The following RRM2B variants were observed in gnomAD, a reference collection of about 807,000 sequenced individuals.
RRM2B encodes ribonucleotide reductase regulatory TP53 inducible subunit M2B.
Under a neutral mutation model 45.9 loss-of-function variants are expected in RRM2B, and 20 were observed. The ratio of observed to expected loss-of-function variants is 0.44; its 90% CI spans 0.31 to 0.63. The LOEUF is 0.63. Among genes scored for constraint, RRM2B ranks in the 30% least tolerant of loss-of-function variants. RRM2B has a pLI of 0.09. For synonymous variants in RRM2B, 124 were observed against 132.3 expected, an observed-to-expected ratio of 0.94 and a Z score of 0.43; for missense variants, 320 against 414.7, an observed-to-expected ratio of 0.77 and a Z score of 1.98.
At chr8:102,212,719 G>C in intron 8 of RRM2B, 57 bp downstream of exon 8, 1 of 868,016 alleles carries the variant, frequency 1.2e-6, no homozygotes, top group Non-Finnish European at 1.9e-6. Context: ...TATACTTTAG[G>C]GTCCTTGCTT....
At position 102,204,975 on chromosome 8, in the gene RRM2B, C is replaced by T. The variant is rs1440643752; in HGVS notation, c.*3158G>A. On this transcript the variant is annotated 3_prime_UTR_variant, in exon 9 of 9. Coordinates refer to ENST00000251810, the MANE Select transcript of RRM2B (RefSeq NM_015713.5). ...TAATGCCTCGGGAATATGAGATTCT[C>T]TTTCAAATCTTTAACTTTTTACAAA... 3 of 152,146 alleles carry T rather than the reference C, an allele frequency of 2.0e-5. No homozygotes were observed. Among genetic ancestry groups the T allele is most frequent in the African/African-American group, 7.2e-5 (3 of 41,450 alleles). 9.4% of individuals were successfully genotyped at this position (152,146 alleles called of 1,614,324 possible). A position where few individuals can be genotyped will look rare whatever the true frequency, so the allele number is the denominator to read the frequency against.
chr8:102,238,311 T>A (rs549097541), intron 1 of RRM2B: 1 of 338,464 alleles, frequency 3.0e-6, no homozygotes, highest in Non-Finnish European at 5.8e-6. Context: ...CCTCCTACCC[T>A]GATTTTTTCA....
At chr8:102,223,879 C>T (rs902756111) in intron 5 of RRM2B, among the ~76,000 whole-genome samples, 167 bp downstream of exon 5, 3 of 152,136 alleles carry the variant, frequency 2.0e-5, no homozygotes, top group African/African-American at 4.8e-5. Context: ...TTTATCACCA[C>T]TTTCTAATTA....
chr8:102,232,161 C>T lies in RRM2B; in HGVS notation c.192G>A (p.Trp64Ter), dbSNP rs1811042064. The change falls in exon 2 of 9, where the codon TGG becomes TGA. Residue 64 changes from tryptophan (W) to a stop codon, truncating the protein, a stop_gained. Coordinates refer to ENST00000251810, the MANE Select transcript of RRM2B (RefSeq NM_015713.5). LOFTEE classifies it high-confidence loss of function. ...CAATGCCACGTACCTCTTCTGCTGT[C>T]CAGAAGGAAGCCTGTGCCTGTTTAT... The part of the protein sequence containing the change: ...KMYKQAQASF[W>*]TAEEVDLSKD... 6.2e-7 allele frequency: 1 copy of T among 1,614,076 alleles called. No individual in the cohort carries two copies. The highest frequency in any genetic ancestry group is 8.5e-7 in the Non-Finnish European group (1 of 1,179,952).
chr8:102,221,203 A>C (rs562717151), intron 5 of RRM2B, among the ~76,000 whole-genome samples: 1 of 152,266 alleles, frequency 6.6e-6, no homozygotes, highest in African/African-American at 2.4e-5. Context: ...GAATCTCCTT[A>C]TAACATAAAC....
chr8:102,219,082 A>C, intron 5 of RRM2B, 135 bp from the exon 6 acceptor site: 1 of 916,636 alleles, frequency 1.1e-6, no homozygotes, highest in East Asian at 2.6e-5. Flanking sequence ...CCATGGCCAA[A>C]GATCTCCATA....
intron 2 of RRM2B, among the ~76,000 whole-genome samples, chr8:102,228,009 G>A (rs1444765273): frequency 6.6e-6 from 1 of 152,130 alleles, no homozygotes; most frequent in African/African-American, 2.4e-5. Flanking sequence ...CCCCAGCGAG[G>A]ACTCCACCCT....
At chr8:102,231,791 C>T in intron 2 of RRM2B, among the ~76,000 whole-genome samples, 1 of 151,272 alleles carries the variant, frequency 6.6e-6, no homozygotes, top group Non-Finnish European at 1.5e-5. Context: ...ATCGCTTGAA[C>T]CCGGGAGGTG....
chr8:102,224,163 A>G (rs1235454695), intron 4 of RRM2B, 23 bp from the exon 5 acceptor site: 1 of 1,428,776 alleles, frequency 7.0e-7, no homozygotes, highest in Admixed American at 1.7e-5. Context: ...AAGAATGAAC[A>G]GCAAAGTTAT....
chr8:102,232,684 TAAGTTTGTGAACA>T (rs1811053735), intron 1 of RRM2B, among the ~76,000 whole-genome samples: 1 of 151,282 alleles, frequency 6.6e-6, no homozygotes, highest in Non-Finnish European at 1.5e-5. Context: ...GGCAAATTTC[TAAGTTTGTGAACA>T]AAATGTCCCT....
At chr8:102,217,053 T>C (rs1221488347) in intron 6 of RRM2B, among the ~76,000 whole-genome samples, 1 of 152,104 alleles carries the variant, frequency 6.6e-6, no homozygotes, top group African/African-American at 2.4e-5. Context: ...AGGTATTCAT[T>C]TTATACTATA....
intron 2 of RRM2B, among the ~76,000 whole-genome samples, chr8:102,226,792 C>T (rs1278333458): frequency 1.3e-5 from 2 of 152,180 alleles, no homozygotes; most frequent in African/African-American, 4.8e-5. Context: ...TGGCTCACTG[C>T]AACCTTCGCC....
chr8:102,224,211 T>A lies in RRM2B; in HGVS notation c.456-71A>T. 2.8e-6 allele frequency: 3 copies of A among 1,053,328 alleles called. No homozygotes were observed. In the South Asian group the frequency reaches 3.8e-5, roughly 13 times the overall value. 65.2% of individuals were successfully genotyped at this position (1,053,328 alleles called of 1,614,324 possible). Reference sequence around the variant, plus strand: ...CTTTTTTTTTTTTTGAGACAGAGTCTCGCTCTGTTGCCCAGGCTGGAGTGC... The same window carrying A: ...CTTTTTTTTTTTTTGAGACAGAGTCACGCTCTGTTGCCCAGGCTGGAGTGC... On this transcript the variant is annotated intron_variant, in intron 4 of 8. Transcript: ENST00000251810.
intron 5 of RRM2B, among the ~76,000 whole-genome samples, chr8:102,220,147 G>A (rs1229820371): frequency 2.0e-5 from 3 of 152,172 alleles, no homozygotes. Context: ...GTTGATGTGG[G>A]AGGAATGCTT....
At position 102,212,843 on chromosome 8, in the gene RRM2B, C is replaced by T; in HGVS notation, c.836G>A (p.Cys279Tyr). The change falls in exon 8 of 9, where the codon TGC becomes TAC. Residue 279 changes from cysteine to tyrosine, a missense_variant. Around this residue, in one of 3 missense-constraint regions of RRM2B, gnomAD observed 47 missense variants for 90.0 expected, o/e 0.52. Transcript: ENST00000251810. Reference protein sequence around the residue: ...ALPVGLIGMNCILMKQYIEFV... With the variant: ...ALPVGLIGMNYILMKQYIEFV... ...CTCAATGTACTGTTTCATCAAAATG[C>T]AATTCATTCCAATGAGGCCAACTGG... 6.2e-7 allele frequency: 1 copy of T among 1,611,560 alleles called. No homozygotes were observed. Among genetic ancestry groups the T allele is most frequent in the Non-Finnish European group, 8.5e-7 (1 of 1,177,966 alleles).
chr8:102,224,145 A>T lies in RRM2B; in HGVS notation c.456-5T>A. 1 of 1,573,836 alleles carries T rather than the reference A, an allele frequency of 6.4e-7. No homozygotes were observed. Among genetic ancestry groups the T allele is most frequent in the Non-Finnish European group, 8.7e-7 (1 of 1,143,522 alleles). On this transcript the variant is annotated splice_region_variant and splice_polypyrimidine_tract_variant and intron_variant, in intron 4 of 8. Coordinates refer to ENST00000251810, the MANE Select transcript of RRM2B (RefSeq NM_015713.5). Reference sequence around the variant, plus strand: ...ATTGCATTAAATAAAAATTCCCTGTAAAAACAAAAGAATGAACAGCAAAGT... The same window carrying T: ...ATTGCATTAAATAAAAATTCCCTGTTAAAACAAAAGAATGAACAGCAAAGT...
In RRM2B at chr8:102,225,970, G is replaced by C. The variant is rs1810924460; in HGVS notation, c.269C>G (p.Ser90Cys). 2.5e-6 allele frequency: 4 copies of C among 1,612,908 alleles called. No homozygotes were observed. The East Asian group carries it at 8.9e-5, about 36-fold the overall frequency. The change falls in exon 3 of 9, where the codon TCT (serine) becomes TGT (cysteine). Residue 90 changes from serine (S) to cysteine (C), a missense_variant. This residue lies in a region of RRM2B where 225 missense variants were observed against 289.4 expected (regional missense o/e 0.78). Coordinates refer to ENST00000251810, the MANE Select transcript of RRM2B (RefSeq NM_015713.5). ...KLKADEKYFI[S>C]HILAFFAASD... is the part of the protein sequence containing the mutation. ...GGCTGCAAAAAAGGCTAAGATGTGAGAGATGAAGTACTTCTCATCTGCTTT... is the reference window on the plus strand; with the variant it reads ...GGCTGCAAAAAAGGCTAAGATGTGACAGATGAAGTACTTCTCATCTGCTTT...
At chr8:102,225,476 C>T (rs1275335031) in intron 3 of RRM2B, among the ~76,000 whole-genome samples, 1 of 152,088 alleles carries the variant, frequency 6.6e-6, no homozygotes, top group Non-Finnish European at 1.5e-5. Context: ...TCGTGATCCG[C>T]CCACCTCAGC....
At chr8:102,221,430 T>C (rs1351253331) in intron 5 of RRM2B, among the ~76,000 whole-genome samples, 2 of 152,100 alleles carry the variant, frequency 1.3e-5, no homozygotes, top group Non-Finnish European at 2.9e-5. Context: ...GGTAGCCAAA[T>C]CAGTTCATGA....
Sources: allele counts gnomAD v4.1 joint callset (sites outside exome capture counted in the v4.1 genomes callset), GRCh38; gene constraint gnomAD v4.1.1; regional missense constraint gnomAD v4.1.1; transcripts MANE v1.5; gene names NCBI Gene and HGNC (gene_info 2026-07-23, HGNC 2026-07-21).